The following HECTD4 variants were observed in gnomAD, a reference collection of about 807,000 sequenced individuals.
HECTD4 encodes HECT domain E3 ubiquitin protein ligase 4.
In HECTD4, 114 loss-of-function variants were observed where a neutral mutation model predicts 471.5. The ratio of observed to expected loss-of-function variants is 0.24; its 90% CI spans 0.21 to 0.28. HECTD4 has a LOEUF of 0.28. HECTD4 is among the 10% of genes least tolerant of loss of function. The probability of loss-of-function intolerance (pLI) is 1.00; values close to 1 mark genes in which losing one functional copy is unlikely to be tolerated. For synonymous variants in HECTD4, 2,012 were observed against 2,256.0 expected (o/e 0.89, Z 3.07); for missense variants, 3,866 against 5,651.5 (o/e 0.68, Z 10.13).
intron 7 of HECTD4, among the ~76,000 whole-genome samples, chr12:112,288,749 C>T (rs2034810100): frequency 6.6e-6 from 1 of 152,178 alleles, no homozygotes; most frequent in Non-Finnish European, 1.5e-5. Flanking sequence ...ATAATGGATG[C>T]CAAGTGGAGA....
chr12:112,229,899 C>A lies in HECTD4; in HGVS notation c.6337-19G>T. On this transcript the variant is annotated intron_variant, in intron 40 of 75. Coordinates refer to ENST00000682272, the MANE Select transcript of HECTD4 (RefSeq NM_001388303.1). ...ACAGAACCTAAATATAGAAGCAGCCCGTGCACTAGGAGTTAAAGCTTTGGT... is the reference window on the plus strand; with the variant it reads ...ACAGAACCTAAATATAGAAGCAGCCAGTGCACTAGGAGTTAAAGCTTTGGT... The A allele has an allele frequency of 6.3e-7, 1 of 1,598,496 alleles. No homozygotes were observed.
At chr12:112,219,021 A>T (rs1447797250) in intron 45 of HECTD4, among the ~76,000 whole-genome samples, 1 of 152,150 alleles carries the variant, frequency 6.6e-6, no homozygotes, top group Non-Finnish European at 1.5e-5. Context: ...GGCGTGAGCC[A>T]CCATGCCCAG....
rs769550554 is a variant in HECTD4, at chr12:112,217,091, A to G, written c.7179T>C (p.Ala2393=). The G allele has an allele frequency of 1.9e-6, 3 of 1,588,832 alleles. No individual in the cohort carries two copies. The highest frequency in any genetic ancestry group is 2.6e-6 in the Non-Finnish European group (3 of 1,167,160). ...AAGTGCCCCGGGGCAGGCCTCCCCC[A>G]GCGCTGGGGTCAGCCAGGAAGGTGA... ...TSVTFLADPS[A]GGGLPRGTFI... The change falls in exon 46 of 76, where the codon GCT becomes GCC. Residue 2393 remains alanine (A), a synonymous_variant. Coordinates refer to ENST00000682272, the MANE Select transcript of HECTD4 (RefSeq NM_001388303.1).
intron 44 of HECTD4, 111 bp from the exon 45 acceptor site, chr12:112,219,600 GA>G: frequency 3.1e-6 from 2 of 650,802 alleles, no homozygotes; most frequent in South Asian, 2.5e-5. Flanking sequence ...AGAGCTCATT[GA>G]ATTTTTTTTT....
At chr12:112,369,938 C>A (rs2036636020) in intron 1 of HECTD4, among the ~76,000 whole-genome samples, 1 of 152,110 alleles carries the variant, frequency 6.6e-6, no homozygotes, top group Admixed American at 6.6e-5. Flanking sequence ...ATGGCGTCCA[C>A]CAAAATGTCC....
At chr12:112,289,476 A>G (rs1334045587) in intron 7 of HECTD4, among the ~76,000 whole-genome samples, 2 of 152,164 alleles carry the variant, frequency 1.3e-5, no homozygotes, top group Non-Finnish European at 2.9e-5. Context: ...AGTCTTAGGT[A>G]CCAAGAGATC....
intron 62 of HECTD4, among the ~76,000 whole-genome samples, chr12:112,181,670 G>C (rs1406500946): frequency 6.6e-6 from 1 of 152,186 alleles, no homozygotes; most frequent in African/African-American, 2.4e-5. Flanking sequence ...ATGCTGACCA[G>C]GCTGGTCTCA....
At position 112,261,316 on chromosome 12, in the gene HECTD4, G is replaced by A. The variant is rs1412844893; in HGVS notation, c.2862C>T (p.Asp954=). The A allele has an allele frequency of 6.3e-7, 1 of 1,597,246 alleles. No homozygotes were observed. The highest frequency in any genetic ancestry group is 1.3e-5 in the African/African-American group (1 of 74,682). ...TTALINSDIA[D]REQRLKGLEQ... The stretch of plus-strand genomic sequence containing the variant: ...AATCCATTCCTCACCTCTGCTCACG[G>A]TCTGCTATGTCACTATTTATGAGGG... The change falls in exon 18 of 76, where the codon GAC becomes GAT. Residue 954 remains aspartate (D), a synonymous_variant. Coordinates refer to ENST00000682272, the MANE Select transcript of HECTD4 (RefSeq NM_001388303.1).
chr12:112,163,747 T>C lies in HECTD4; in HGVS notation c.12702-10A>G. On this transcript the variant is annotated splice_polypyrimidine_tract_variant and intron_variant, in intron 73 of 75. Coordinates refer to ENST00000682272, the MANE Select transcript of HECTD4 (RefSeq NM_001388303.1). The surrounding 1 kb of genome is among the most constrained non-coding windows in gnomAD (Gnocchi z 8.2). ...GTCCTTGTTCTCCCACCTGCCCGGG[T>C]GAGGAGCACAGGTGAGGGAGAACAC... 1 of 1,454,490 alleles carries C rather than the reference T, an allele frequency of 6.9e-7. No homozygotes were observed. The highest frequency in any genetic ancestry group is 9.1e-7 in the Non-Finnish European group (1 of 1,098,818). The allele number at this position is 1,454,490 out of a possible 1,614,324, so 90.1% of individuals were successfully genotyped here. A position where few individuals can be genotyped will look rare whatever the true frequency, so the allele number is the denominator to read the frequency against.
In HECTD4 at chr12:112,270,449, T is replaced by C. The variant is rs372080449; in HGVS notation, c.1953A>G (p.Ile651Met). ...HIITEPKEEAITTNEVINQLL... is the reference protein window; with the variant it reads ...HIITEPKEEAMTTNEVINQLL... ...ATTGGTTTATAACCTCATTCGTGGTTATAGCCTCTTCTAGAAGATGAAAAG... is the reference window on the plus strand; with the variant it reads ...ATTGGTTTATAACCTCATTCGTGGTCATAGCCTCTTCTAGAAGATGAAAAG... The change falls in exon 12 of 76, where the codon ATA becomes ATG. Residue 651 changes from isoleucine to methionine, a missense_variant. Ile to Met is a conservative substitution (Grantham distance 10). Around this residue, in one of 16 missense-constraint regions of HECTD4, gnomAD observed 525 missense variants for 672.6 expected, o/e 0.78. Coordinates refer to ENST00000682272, the MANE Select transcript of HECTD4 (RefSeq NM_001388303.1). The C allele has an allele frequency of 3.7e-6, 6 of 1,613,694 alleles. No homozygotes were observed. Among genetic ancestry groups the C allele is most frequent in the African/African-American group, 1.3e-5 (1 of 74,928 alleles).
chr12:112,228,528 CACAAGT>C lies in HECTD4; in HGVS notation c.6684+113_6684+118del. 1.0e-6 allele frequency: 1 copy of C among 983,050 alleles called. No homozygotes were observed. The highest frequency in any genetic ancestry group is 1.5e-6 in the Non-Finnish European group (1 of 685,448). 60.9% of individuals were successfully genotyped at this position (983,050 alleles called of 1,614,324 possible). A position where few individuals can be genotyped will look rare whatever the true frequency, so the allele number is the denominator to read the frequency against. ...CTATAACCAATACATAAATATACAT[CACAAGT>C]ACAATTTAAGATAATCAAGCATTTG... On this transcript the variant is annotated intron_variant, in intron 42 of 75. Transcript: ENST00000682272. This position sits in a 1 kb window ranked among gnomAD's most constrained non-coding sequence, Gnocchi z 4.9.
chr12:112,266,040 G>A, intron 14 of HECTD4, 57 bp from the exon 15 acceptor site: 2 of 1,230,324 alleles, frequency 1.6e-6, no homozygotes, highest in Non-Finnish European at 2.3e-6. Flanking sequence ...GAATACTGAT[G>A]CTATTTTTAA....
At chr12:112,230,228 G>A (rs1419399522) in intron 40 of HECTD4, among the ~76,000 whole-genome samples, 1 of 152,228 alleles carries the variant, frequency 6.6e-6, no homozygotes, top group African/African-American at 2.4e-5. Flanking sequence ...AAGAGTGGCT[G>A]TGGAAAGGGG....
chr12:112,319,660 G>C lies in HECTD4; in HGVS notation c.260C>G (p.Ala87Gly). ...ATTCAGGCGGTATTCCAGCAGCCGG[G>C]CATAGGCATTGCTCTGATTCCCACA... ...SVCGNQSNAY[A>G]RLLEYRLNAL... Residue 87 changes from alanine (A) to glycine (G), a missense_variant, in exon 2 of 76, where the codon GCC (alanine) becomes GGC (glycine). By Grantham distance (60) the Ala-to-Gly change is moderately conservative. This residue lies in a region of HECTD4 where 440 missense variants were observed against 636.0 expected (regional missense o/e 0.69). Coordinates refer to ENST00000682272, the MANE Select transcript of HECTD4 (RefSeq NM_001388303.1). The surrounding 1 kb of genome is among the most constrained non-coding windows in gnomAD (Gnocchi z 5.3). 1 of 1,357,926 alleles carries C rather than the reference G, an allele frequency of 7.4e-7. No homozygotes were observed. Among genetic ancestry groups the C allele is most frequent in the South Asian group, 2.1e-5 (1 of 46,908 alleles). 84.1% of individuals were successfully genotyped at this position (1,357,926 alleles called of 1,614,324 possible).
chr12:112,228,021 C>T lies in HECTD4; in HGVS notation c.6854+68G>A. On this transcript the variant is annotated intron_variant, in intron 43 of 75. Coordinates refer to ENST00000682272, the MANE Select transcript of HECTD4 (RefSeq NM_001388303.1). This position sits in a 1 kb window ranked among gnomAD's most constrained non-coding sequence, Gnocchi z 4.9. ...ACTAAGTTGGGAGTGGAGGGGCCCACCAAGGATCCCTTCTTCTGTCAGCTT... is the reference window on the plus strand; with the variant it reads ...ACTAAGTTGGGAGTGGAGGGGCCCATCAAGGATCCCTTCTTCTGTCAGCTT... 2 of 1,443,908 alleles carry T rather than the reference C, an allele frequency of 1.4e-6. No homozygotes were observed. Among genetic ancestry groups the T allele is most frequent in the East Asian group, 2.5e-5 (1 of 39,382 alleles). 89.4% of individuals were successfully genotyped at this position (1,443,908 alleles called of 1,614,324 possible).
At chr12:112,187,366 T>A (rs537234310) in intron 60 of HECTD4, among the ~76,000 whole-genome samples, 3 of 152,290 alleles carry the variant, frequency 2.0e-5, no homozygotes, top group African/African-American at 7.2e-5. Flanking sequence ...CGGCAACTAT[T>A]TTCTTTGAAT....
intron 1 of HECTD4, among the ~76,000 whole-genome samples, chr12:112,350,356 G>A (rs1170244696): frequency 2.0e-5 from 3 of 152,172 alleles, no homozygotes; most frequent in Non-Finnish European, 4.4e-5. Context: ...CATTTCTGGG[G>A]AAACAGTATG....
chr12:112,203,899 C>G (rs1370418630), intron 53 of HECTD4, 127 bp from the exon 54 acceptor site: 2 of 538,956 alleles, frequency 3.7e-6, no homozygotes, highest in Non-Finnish European at 6.0e-6. Flanking sequence ...TAAAATAGCT[C>G]TACGGGCTTT....
chr12:112,167,754 C>T lies in HECTD4; in HGVS notation c.12312+60G>A, dbSNP rs1281445649. 8 of 1,449,690 alleles carry T rather than the reference C, an allele frequency of 5.5e-6. No individual in the cohort carries two copies. In the South Asian group the frequency reaches 9.1e-5, roughly 17 times the overall value. The allele number at this position is 1,449,690 out of a possible 1,614,324, so 89.8% of individuals were successfully genotyped here. A position where few individuals can be genotyped will look rare whatever the true frequency, so the allele number is the denominator to read the frequency against. ...GATGAGACACACACTGCCCGCCACC[C>T]CAGCCACTGCGCAGGACATGAGCTC... is the stretch of plus-strand genomic sequence containing the variant. On this transcript the variant is annotated intron_variant, in intron 71 of 75. Transcript: ENST00000682272.
Sources: allele counts gnomAD v4.1 joint callset (sites outside exome capture counted in the v4.1 genomes callset), GRCh38; gene constraint gnomAD v4.1.1; regional missense constraint gnomAD v4.1.1; non-coding constraint Gnocchi (gnomAD v3.1); transcripts MANE v1.5; gene names NCBI Gene and HGNC (gene_info 2026-07-23, HGNC 2026-07-21).